Variants in RBFOX1 observed in about 807,000 individuals in gnomAD.
RBFOX1 encodes RNA binding fox-1 homolog 1.
In RBFOX1, 8 loss-of-function variants were observed where a neutral mutation model predicts 57.7. The observed-to-expected ratio is 0.14, with a 90% CI of 0.08 to 0.25. RBFOX1 has a LOEUF of 0.25. RBFOX1 is among the 10% of genes least tolerant of loss of function. The probability of loss-of-function intolerance (pLI) is 1.00; values close to 1 mark genes in which losing one functional copy is unlikely to be tolerated. For missense variants in RBFOX1, 611 were observed against 548.5 expected (o/e 1.11, Z -1.14); for synonymous variants, 326 against 222.4 (o/e 1.47, Z -4.15).
At chr16:6,998,600 A>T (rs1360641219) in intron 3 of RBFOX1, among the ~76,000 whole-genome samples, 2 of 152,122 alleles carry the variant, frequency 1.3e-5, no homozygotes, top group East Asian at 3.9e-4. Flanking sequence ...TATCATTGTG[A>T]TCGATGACTT....
rs529754174 is a variant in RBFOX1 at position 5,447,560 on chromosome 16, C to G, written c.220-19656C>G. On this transcript the variant is annotated intron_variant, in intron 1 of 2. Coordinates refer to the RBFOX1 transcript ENST00000585867. ...TTACAGGCACCCGCCACCACGCCCCCCTAATTTTTGTATTTTTAATAGAGA... is the reference window on the plus strand; with the variant it reads ...TTACAGGCACCCGCCACCACGCCCCGCTAATTTTTGTATTTTTAATAGAGA... 1.9e-4 allele frequency among the ~76,000 whole-genome samples: 29 copies of G among 152,144 alleles called. 1 individual carries two copies. In the East Asian group the frequency reaches 4.1e-3, roughly 21 times the overall value.
intron 14 of RBFOX1, among the ~76,000 whole-genome samples, chr16:7,680,609 G>A (rs553344371): frequency 1.3e-5 from 2 of 151,976 alleles, no homozygotes; most frequent in South Asian, 4.2e-4. Flanking sequence ...ATCCATGAAA[G>A]CCAAGAAGCT....
chr16:5,240,449 G>T (rs1395376212), intron 1 of RBFOX1, among the ~76,000 whole-genome samples: 3 of 152,136 alleles, frequency 2.0e-5, no homozygotes, highest in Admixed American at 2.0e-4. Flanking sequence ...TGGGGCATCT[G>T]TCTGGGACTT....
chr16:6,767,944 T>TAAGAAGAAGAAGAAG (rs1328651970), intron 3 of RBFOX1, among the ~76,000 whole-genome samples: 247 of 86,580 alleles, frequency 2.9e-3, no homozygotes, highest in African/African-American at 8.8e-3. Context: ...ATAATAATAA[T>TAAGAAGAAGAAGAAG]AATAAGAAGA....
intron 3 of RBFOX1, among the ~76,000 whole-genome samples, chr16:5,820,829 C>A (rs2055822756): frequency 6.6e-6 from 1 of 152,196 alleles, no homozygotes; most frequent in African/African-American, 2.4e-5. Flanking sequence ...CTCTCTTTGA[C>A]AGCAATTTCT....
At chr16:5,589,574 C>A (rs1281529482) in intron 2 of RBFOX1, among the ~76,000 whole-genome samples, 1 of 152,170 alleles carries the variant, frequency 6.6e-6, no homozygotes, top group Non-Finnish European at 1.5e-5. Flanking sequence ...CCTGTTTAAC[C>A]CTCACACTAT....
chr16:6,462,582 T>A (rs557971874), intron 2 of RBFOX1, among the ~76,000 whole-genome samples: 38 of 152,306 alleles, frequency 2.5e-4, no homozygotes, highest in Non-Finnish European at 4.7e-4. Flanking sequence ...TAAGAAACAT[T>A]TGGCACGTAT....
At chr16:5,242,542 G>C (rs1169382441) in intron 1 of RBFOX1, among the ~76,000 whole-genome samples, 1 of 152,170 alleles carries the variant, frequency 6.6e-6, no homozygotes, top group East Asian at 1.9e-4. Context: ...GCTGGTGTGA[G>C]AATCAGCAGC....
intron 1 of RBFOX1, among the ~76,000 whole-genome samples, chr16:6,098,662 A>G (rs547619929): frequency 6.6e-6 from 1 of 152,340 alleles, no homozygotes; most frequent in East Asian, 1.9e-4. Flanking sequence ...CAGAGTTTAT[A>G]CATTCATTTC....
At chr16:6,345,279 G>A (rs1411710049) in intron 2 of RBFOX1, among the ~76,000 whole-genome samples, 5 of 152,176 alleles carry the variant, frequency 3.3e-5, no homozygotes, top group East Asian at 1.9e-4. Context: ...TGAAGCAACT[G>A]CGTACTGCTC....
intron 2 of RBFOX1, among the ~76,000 whole-genome samples, chr16:6,543,597 G>C (rs1946101560): frequency 6.6e-6 from 1 of 152,098 alleles, no homozygotes; most frequent in South Asian, 2.1e-4. Context: ...TTGTTTTGCT[G>C]TTGTTTTGTT....
intron 3 of RBFOX1, among the ~76,000 whole-genome samples, chr16:5,845,867 G>A (rs1011926814): frequency 2.0e-5 from 3 of 152,142 alleles, no homozygotes; most frequent in African/African-American, 4.8e-5. Flanking sequence ...TGAGGGTAAT[G>A]AGTTAAGAAT....
At chr16:5,877,027 C>T (rs947916595) in intron 4 of RBFOX1, among the ~76,000 whole-genome samples, 4 of 151,948 alleles carry the variant, frequency 2.6e-5, no homozygotes, top group Admixed American at 2.6e-4. Flanking sequence ...AAATCCCAGG[C>T]CAAGGGCAAA....
chr16:6,095,852 C>T (rs2096239496), intron 1 of RBFOX1, among the ~76,000 whole-genome samples: 1 of 152,130 alleles, frequency 6.6e-6, no homozygotes, highest in Non-Finnish European at 1.5e-5. Context: ...GAAGGTAGGC[C>T]CACAGTTAGT....
intron 1 of RBFOX1, among the ~76,000 whole-genome samples, chr16:5,244,716 A>C (rs2062252405): frequency 6.6e-6 from 1 of 152,200 alleles, no homozygotes; most frequent in Non-Finnish European, 1.5e-5. Context: ...GCAGTGCGTA[A>C]GTGGGAAATT....
chr16:6,151,025 A>C (rs758179355), intron 1 of RBFOX1, among the ~76,000 whole-genome samples: 10 of 152,114 alleles, frequency 6.6e-5, no homozygotes, highest in Non-Finnish European at 1.5e-4. Flanking sequence ...CAGATTCAGA[A>C]AGGAGAATCT....
chr16:6,647,797 C>T (rs1025281219), intron 2 of RBFOX1, among the ~76,000 whole-genome samples: 1 of 152,032 alleles, frequency 6.6e-6, no homozygotes, highest in Non-Finnish European at 1.5e-5. Context: ...TGCAGTGGTA[C>T]AATCTTAGCT....
intron 4 of RBFOX1, among the ~76,000 whole-genome samples, chr16:7,341,704 T>TTCCTTCCTTCCTTCCC (rs1489175046): frequency 6.8e-6 from 1 of 147,408 alleles, no homozygotes; most frequent in Non-Finnish European, 1.5e-5. Flanking sequence ...CCTTCCTTCC[T>TTCCTTCCTTCCTTCCC]TCCTTCCTTC....
chr16:5,530,809 C>T (rs2044436375), intron 2 of RBFOX1, among the ~76,000 whole-genome samples: 2 of 152,084 alleles, frequency 1.3e-5, no homozygotes, highest in Admixed American at 1.3e-4. Context: ...CAGTCCAGCC[C>T]AGGCGTGGTG....
Sources: allele counts gnomAD v4.1 joint callset (sites outside exome capture counted in the v4.1 genomes callset), GRCh38; gene constraint gnomAD v4.1.1; transcripts MANE v1.5; gene names NCBI Gene and HGNC (gene_info 2026-07-23, HGNC 2026-07-21).